PM20D2: variants seen among roughly 807,000 people sequenced by gnomAD.
PM20D2 encodes xaa-Arg dipeptidase.
In PM20D2, 33 loss-of-function variants were observed where a neutral mutation model predicts 42.9. The ratio of observed to expected loss-of-function variants is 0.77; its 90% CI spans 0.58 to 1.03. PM20D2 has a LOEUF of 1.03. Among genes scored for constraint, PM20D2 ranks in the 50% least tolerant of loss-of-function variants. The pLI is 0.00. For missense variants in PM20D2, 548 were observed against 557.0 expected, an observed-to-expected ratio of 0.98 and a Z score of 0.16; for synonymous variants, 250 against 228.2, an observed-to-expected ratio of 1.10 and a Z score of -0.86.
the PM20D2 span, among the ~76,000 whole-genome samples, chr6:89,136,333 G>A: frequency 4.0e-5 from 6 of 151,110 alleles, no homozygotes; most frequent in South Asian, 2.1e-4. Flanking sequence ...ATGTTAATAC[G>A]CAAAATATTT....
the PM20D2 span, among the ~76,000 whole-genome samples, chr6:89,138,345 A>G: frequency 6.6e-6 from 1 of 152,236 alleles, no homozygotes. Flanking sequence ...ACACTCGGGT[A>G]CAATTATAAG....
intron 5 of PM20D2, among the ~76,000 whole-genome samples, chr6:89,161,408 G>A (rs1459098763): frequency 6.6e-6 from 1 of 152,228 alleles, no homozygotes; most frequent in Non-Finnish European, 1.5e-5. Context: ...TCGTCAGGTA[G>A]AGGGGGCTCT....
chr6:89,103,991 CTTTTTTTTTTTTTTTTT>C, the PM20D2 span, among the ~76,000 whole-genome samples: 1 of 81,950 alleles, frequency 1.2e-5, no homozygotes, highest in Non-Finnish European at 2.3e-5. Flanking sequence ...TATTATATTT[CTTTTTTTTTTTTTTTTT>C]TTTTTTTTTG....
chr6:89,140,283 A>C, the PM20D2 span, among the ~76,000 whole-genome samples: 1 of 151,606 alleles, frequency 6.6e-6, no homozygotes, highest in Non-Finnish European at 1.5e-5. Flanking sequence ...TATTTTTATT[A>C]ATGACTTATC....
At chr6:89,133,357 T>A in the PM20D2 span, among the ~76,000 whole-genome samples, 1 of 151,346 alleles carries the variant, frequency 6.6e-6, no homozygotes, top group Non-Finnish European at 1.5e-5. Context: ...AATTATTTGT[T>A]TTCTCTATAC....
intron 1 of PM20D2, among the ~76,000 whole-genome samples, chr6:89,147,653 G>A (rs1770639471): frequency 6.6e-6 from 1 of 151,732 alleles, no homozygotes; most frequent in Non-Finnish European, 1.5e-5. Flanking sequence ...GAAGAGCGGT[G>A]GGCAGATCAG....
At chr6:89,094,439 C>T in the PM20D2 span, among the ~76,000 whole-genome samples, 1 of 151,766 alleles carries the variant, frequency 6.6e-6, no homozygotes, top group African/African-American at 2.4e-5. Flanking sequence ...AGGCTGGTCT[C>T]GAACCCCTGG....
At chr6:89,130,497 C>T in the PM20D2 span, among the ~76,000 whole-genome samples, 1 of 152,196 alleles carries the variant, frequency 6.6e-6, no homozygotes, top group Non-Finnish European at 1.5e-5. Context: ...AACCAACTCT[C>T]CAATCTAGAT....
At chr6:89,147,874 C>G (rs995070335) in intron 1 of PM20D2, among the ~76,000 whole-genome samples, 1 of 149,384 alleles carries the variant, frequency 6.7e-6, no homozygotes, top group Admixed American at 6.7e-5. Flanking sequence ...TCCTGGGCAA[C>G]AGAGCGAGGC....
At chr6:89,143,535 C>G (rs562785122), upstream of PM20D2, among the ~76,000 whole-genome samples, 1 of 152,132 alleles carries the variant, frequency 6.6e-6, no homozygotes, top group Non-Finnish European at 1.5e-5. Flanking sequence ...CTCTCACCCC[C>G]CCAAAAAGGT....
At chr6:89,160,152 T>A (rs758115160) in intron 5 of PM20D2, among the ~76,000 whole-genome samples, 8 of 152,186 alleles carry the variant, frequency 5.3e-5, no homozygotes, top group Non-Finnish European at 1.2e-4. Context: ...TTCACTGATG[T>A]CCCATTACTG....
At chr6:89,098,979 T>C in the PM20D2 span, 2 of 1,568,958 alleles carry the variant, frequency 1.3e-6, no homozygotes, top group Non-Finnish European at 1.7e-6. Context: ...GAGCATATAT[T>C]TCACACAAAA....
At chr6:89,105,367 C>T in the PM20D2 span, 1 of 1,560,840 alleles carries the variant, frequency 6.4e-7, no homozygotes, top group Admixed American at 1.9e-5. Flanking sequence ...ATTAAAAAAT[C>T]AGTCATCACT....
chr6:89,119,710 C>T, the PM20D2 span, among the ~76,000 whole-genome samples: 3 of 152,238 alleles, frequency 2.0e-5, no homozygotes, highest in Admixed American at 1.3e-4. Flanking sequence ...TCCTCTGTTT[C>T]TTCCAGTCTT....
At chr6:89,156,483 A>G (rs1771053033) in intron 4 of PM20D2, among the ~76,000 whole-genome samples, 1 of 152,226 alleles carries the variant, frequency 6.6e-6, no homozygotes, top group African/African-American at 2.4e-5. Flanking sequence ...CCCAGCCTTC[A>G]TTTATATTGC....
the PM20D2 span, among the ~76,000 whole-genome samples, chr6:89,137,783 C>CT: frequency 1.3e-5 from 2 of 152,150 alleles, no homozygotes; most frequent in African/African-American, 4.8e-5. Flanking sequence ...TATTCCCCCT[C>CT]TTTTTTTCTC....
At position 89,151,289 on chromosome 6, in the gene PM20D2, G is replaced by A. The variant is rs188983812; in HGVS notation, c.615-1754G>A. On this transcript the variant is annotated intron_variant, in intron 2 of 6. Coordinates refer to ENST00000275072, the MANE Select transcript of PM20D2 (RefSeq NM_001010853.3). ...TTTGTCACCCAGGCTAGAGTACAGTGGCGCAATCTCAGCTCACTGCAGCTT... is the reference window on the plus strand; with the variant it reads ...TTTGTCACCCAGGCTAGAGTACAGTAGCGCAATCTCAGCTCACTGCAGCTT... 1.3e-3 allele frequency among the ~76,000 whole-genome samples: 184 copies of A among 143,706 alleles called. 1 individual carries two copies. The highest frequency in any genetic ancestry group is 4.7e-3 in the African/African-American group (177 of 37,944). 94.3% of individuals were successfully genotyped at this position (143,706 alleles called of 152,430 possible).
chr6:89,107,639 G>A, the PM20D2 span, among the ~76,000 whole-genome samples: 1 of 152,104 alleles, frequency 6.6e-6, no homozygotes, highest in East Asian at 1.9e-4. Flanking sequence ...GCTGAGGCGG[G>A]AGAATCACCT....
chr6:89,131,498 G>C, the PM20D2 span, among the ~76,000 whole-genome samples: 2 of 151,192 alleles, frequency 1.3e-5, no homozygotes, highest in African/African-American at 2.4e-5. Context: ...GACCAGCCTC[G>C]GCAACATAAC....
Sources: gnomAD v4.1 joint callset for allele counts (sites outside exome capture counted in the v4.1 genomes callset) on GRCh38, gnomAD v4.1.1 for gene constraint, MANE v1.5 for transcripts, NCBI Gene and HGNC (gene_info 2026-07-23, HGNC 2026-07-21) for gene names.